The following BACH1 variants were observed in gnomAD, a reference collection of about 807,000 sequenced individuals.
BACH1 encodes transcription regulator protein BACH1.
Under a neutral mutation model 52.9 loss-of-function variants are expected in BACH1, and 35 were observed. The observed-to-expected ratio is 0.66, with a 90% CI of 0.51 to 0.88. The LOEUF (loss-of-function observed/expected upper bound fraction) is 0.88, where lower values mean the gene tolerates loss of function less well. Ranked by LOEUF, BACH1 falls within the 40% of genes least tolerant of loss-of-function variation. BACH1 has a pLI of 0.00. For synonymous variants in BACH1, 321 were observed against 319.6 expected (o/e 1.00, Z -0.05); for missense variants, 808 against 872.6 (o/e 0.93, Z 0.93).
In BACH1 at chr21:29,342,719, G is replaced by GC. The variant is rs1479353525; in HGVS notation, c.2098dup (p.Gln700ProfsTer8). 2 of 1,614,098 alleles carry GC rather than the reference G, an allele frequency of 1.2e-6. No individual in the cohort carries two copies. Among genetic ancestry groups the GC allele is most frequent in the African/African-American group, 2.7e-5 (2 of 74,944 alleles). On this transcript the variant is annotated frameshift_variant, in exon 5 of 5. Transcript: ENST00000286800. LOFTEE classifies it low-confidence loss of function (END_TRUNC). ...GCTACGCGCGAGGGCAGGAGTCCCA[G>GC]CAGATGTCCACAGCCACCTCTGAGC...
chr21:29,354,518 A>G (rs1405217607), intron 2 of BACH1, among the ~76,000 whole-genome samples: 1 of 152,186 alleles, frequency 6.6e-6, no homozygotes, highest in African/African-American at 2.4e-5. Context: ...GGAAATCAGA[A>G]CAGTGGCCAG....
chr21:29,316,253 G>A (rs1601346188), intron 1 of BACH1, among the ~76,000 whole-genome samples: 1 of 152,080 alleles, frequency 6.6e-6, no homozygotes, highest in Admixed American at 6.6e-5. Flanking sequence ...TTTTCTGTAT[G>A]ATTTTGAAAG....
chr21:29,350,156 T>C (rs952427114), downstream of BACH1, among the ~76,000 whole-genome samples: 3 of 152,154 alleles, frequency 2.0e-5, no homozygotes, highest in African/African-American at 7.2e-5. Context: ...CTTGGCCTAA[T>C]ACAAACCTCC....
At chr21:29,337,651 A>G (rs1370829074) in intron 4 of BACH1, among the ~76,000 whole-genome samples, 1 of 152,204 alleles carries the variant, frequency 6.6e-6, no homozygotes, top group African/African-American at 2.4e-5. Context: ...TGTAAAAATG[A>G]GAACACTTGG....
chr21:29,334,413 C>T (rs575434550), intron 4 of BACH1, among the ~76,000 whole-genome samples: 4 of 152,284 alleles, frequency 2.6e-5, no homozygotes, highest in Admixed American at 6.5e-5. Context: ...TTAAAACTAA[C>T]AATTATAAAG....
intron 1 of BACH1, among the ~76,000 whole-genome samples, chr21:29,315,880 G>A (rs561494371): frequency 1.3e-5 from 2 of 151,748 alleles, no homozygotes; most frequent in East Asian, 3.9e-4. Flanking sequence ...TCTTTTATTT[G>A]TGTTTTCTTG....
intron 2 of BACH1, among the ~76,000 whole-genome samples, chr21:29,325,006 A>G (rs1224182473): frequency 1.3e-5 from 2 of 152,298 alleles, no homozygotes; most frequent in East Asian, 3.9e-4. Flanking sequence ...AGGCGAGTGG[A>G]TCACGAGGTC....
At chr21:29,360,834 A>G (rs2089266723) in intron 2 of BACH1, among the ~76,000 whole-genome samples, 1 of 149,068 alleles carries the variant, frequency 6.7e-6, no homozygotes. Flanking sequence ...CAACAGAGCA[A>G]GACCCTGTCT....
At chr21:29,301,749 A>T (rs932738843) in intron 1 of BACH1, among the ~76,000 whole-genome samples, 2 of 152,150 alleles carry the variant, frequency 1.3e-5, no homozygotes, top group Admixed American at 6.5e-5. Flanking sequence ...TGTAAAAATT[A>T]GTTTGTACTG....
At chr21:29,306,573 A>C (rs1310011246) in intron 1 of BACH1, among the ~76,000 whole-genome samples, 2 of 152,106 alleles carry the variant, frequency 1.3e-5, no homozygotes, top group African/African-American at 4.8e-5. Flanking sequence ...GCTGGGGTCT[A>C]CTTCCTTGGA....
In BACH1 at chr21:29,326,950, AG is replaced by A; in HGVS notation, c.1129del (p.Glu377LysfsTer21). Reference protein sequence around the residue: ...DLPLKSDLGTREDSSVASSDR... With the variant: ...DLPLKSDLGTXEDSSVASSDR... ...ACCTTTGAAATCCGACTTGGGCACC[AG>A]GGAAGATAGTAGTGTTGCATCTAGT... On this transcript the variant is annotated frameshift_variant, in exon 3 of 5. Transcript: ENST00000286800. LOFTEE classifies it high-confidence loss of function. The A allele has an allele frequency of 6.2e-7, 1 of 1,614,224 alleles. No individual in the cohort carries two copies. The highest frequency in any genetic ancestry group is 8.5e-7 in the Non-Finnish European group (1 of 1,180,038).
intron 1 of BACH1, among the ~76,000 whole-genome samples, chr21:29,320,413 G>A (rs575583902): frequency 1.4e-4 from 22 of 152,056 alleles, no homozygotes; most frequent in Admixed American, 1.3e-3. Flanking sequence ...CGTATTGGGG[G>A]TATTCTTGTT....
rs745733026 is a variant in BACH1, at chr21:29,329,620, G to T, written c.1703G>T (p.Arg568Ile). ...IHDIRRRSKN[R>I]IAAQRCRKRK... The stretch of plus-strand genomic sequence containing the variant: ...GATATTCGAAGAAGAAGTAAAAACA[G>T]AATTGCTGCACAGCGCTGTCGCAAG... Residue 568 changes from arginine to isoleucine, a missense_variant, in exon 4 of 5, where the codon AGA (arginine) becomes ATA (isoleucine). By Grantham distance (97) the Arg-to-Ile change is moderately conservative. Transcript: ENST00000286800. The T allele has an allele frequency of 1.2e-6, 2 of 1,605,144 alleles. No individual in the cohort carries two copies. The highest frequency in any genetic ancestry group is 2.2e-5 in the South Asian group (2 of 89,068).
rs531408049 is a variant in BACH1 at position 29,351,373 on chromosome 21, A to G, written c.472+21680A>G. On this transcript the variant is annotated intron_variant, in intron 2 of 4. Coordinates refer to the BACH1 transcript ENST00000422809. ...TATTTGGTCCACCTCAGAAACTGAC[A>G]GTAGTTCTGTTTTGAGCTATTAATT... Among the ~76,000 whole-genome samples the G allele has an allele frequency of 4.6e-5, 7 of 152,338 alleles. No homozygotes were observed. The South Asian group carries it at 1.4e-3, about 32-fold the overall frequency.
At chr21:29,348,108 T>C (rs573833241), downstream of BACH1, among the ~76,000 whole-genome samples, 24 of 152,144 alleles carry the variant, frequency 1.6e-4, no homozygotes, top group South Asian at 2.5e-3. Context: ...TTAAGAAAAA[T>C]AAATCCCAAG....
intron 2 of BACH1, among the ~76,000 whole-genome samples, chr21:29,321,840 C>T (rs1270849659): frequency 6.6e-6 from 1 of 151,876 alleles, no homozygotes; most frequent in Admixed American, 6.6e-5. Context: ...GTGTGACATT[C>T]TCTTCTAGGG....
At position 29,343,109 on chromosome 21, in the gene BACH1, C is replaced by A; in HGVS notation, c.*276C>A. 1 of 253,750 alleles carries A rather than the reference C, an allele frequency of 3.9e-6. No individual in the cohort carries two copies. Among genetic ancestry groups the A allele is most frequent in the South Asian group, 9.2e-5 (1 of 10,816 alleles). The allele number at this position is 253,750 out of a possible 1,614,324, so 15.7% of individuals were successfully genotyped here. A position where few individuals can be genotyped will look rare whatever the true frequency, so the allele number is the denominator to read the frequency against. On this transcript the variant is annotated 3_prime_UTR_variant, in exon 5 of 5. Coordinates refer to ENST00000286800, the MANE Select transcript of BACH1 (RefSeq NM_001186.4). ...AAGAATAATAACTCTAGTAATAACT[C>A]TTCCTGCTATTCAGAATAAGTAGGA...
At chr21:29,337,563 A>C (rs952515183) in intron 4 of BACH1, among the ~76,000 whole-genome samples, 9 of 152,224 alleles carry the variant, frequency 5.9e-5, no homozygotes, top group Non-Finnish European at 1.5e-5. Flanking sequence ...TATAATATAC[A>C]GTAAGTTCTC....
At position 29,326,430 on chromosome 21, in the gene BACH1, T is replaced by G. The variant is rs2088912114; in HGVS notation, c.606T>G (p.Ser202Arg). The change falls in exon 3 of 5, where the codon AGT becomes AGG. Residue 202 changes from serine to arginine, a missense_variant. Coordinates refer to ENST00000286800, the MANE Select transcript of BACH1 (RefSeq NM_001186.4). ...NAKASPPLQD[S>R]ASQTYESMCL... is the part of the protein sequence containing the mutation. ...AAGCCTCACCTCCTCTACAAGACAG[T>G]GCCAGTCAGACATATGAGTCCATGT... The G allele has an allele frequency of 1.2e-6, 2 of 1,614,206 alleles. No homozygotes were observed. Among genetic ancestry groups the G allele is most frequent in the Non-Finnish European group, 1.7e-6 (2 of 1,180,032 alleles).
Sources: allele counts gnomAD v4.1 joint callset (sites outside exome capture counted in the v4.1 genomes callset), GRCh38; gene constraint gnomAD v4.1.1; transcripts MANE v1.5; gene names NCBI Gene and HGNC (gene_info 2026-07-23, HGNC 2026-07-21).